CATSPERB: variants seen among roughly 807,000 people sequenced by gnomAD.
CATSPERB encodes cation channel sperm-associated auxiliary subunit beta.
In CATSPERB, 93 loss-of-function variants were observed where a neutral mutation model predicts 128.3. The observed-to-expected ratio is 0.72, with a 90% CI of 0.61 to 0.86. The LOEUF is 0.86. CATSPERB is among the 40% of genes least tolerant of loss of function. The probability of loss-of-function intolerance (pLI) is 0.00; values close to 1 mark genes in which losing one functional copy is unlikely to be tolerated. For synonymous variants in CATSPERB, 381 were observed against 448.8 expected (o/e 0.85, Z 1.91); for missense variants, 1,153 against 1,329.5 (o/e 0.87, Z 2.06).
intron 18 of CATSPERB, among the ~76,000 whole-genome samples, chr14:91,622,242 C>T (rs1595150953): frequency 6.6e-6 from 1 of 151,592 alleles, no homozygotes; most frequent in Admixed American, 6.6e-5. Context: ...TACTAAAAGC[C>T]TTAAAAACCT....
At chr14:91,626,656 C>T (rs1477998371) in intron 17 of CATSPERB, among the ~76,000 whole-genome samples, 1 of 152,114 alleles carries the variant, frequency 6.6e-6, no homozygotes, top group Non-Finnish European at 1.5e-5. Context: ...CACCCTTCTG[C>T]CTTCCACCAT....
chr14:91,594,316 AG>A (rs1893462910), intron 22 of CATSPERB, among the ~76,000 whole-genome samples: 1 of 148,726 alleles, frequency 6.7e-6, no homozygotes. Flanking sequence ...ATCACACACC[AG>A]GGACTGTTGT....
intron 10 of CATSPERB, among the ~76,000 whole-genome samples, 191 bp from the exon 11 acceptor site, chr14:91,684,134 A>C (rs960413306): frequency 6.6e-6 from 1 of 152,258 alleles, no homozygotes; most frequent in African/African-American, 2.4e-5. Context: ...TGAACAATGC[A>C]CAAAAAAGGC....
At chr14:91,712,627 T>G (rs914477819) in intron 5 of CATSPERB, among the ~76,000 whole-genome samples, 1 of 152,256 alleles carries the variant, frequency 6.6e-6, no homozygotes, top group African/African-American at 2.4e-5. Context: ...GATTATCGTA[T>G]ACTTAATAAA....
chr14:91,598,587 G>A lies in CATSPERB; in HGVS notation c.2710-6585C>T, dbSNP rs150714685. Among the ~76,000 whole-genome samples, 1,513 of 152,178 alleles carry A rather than the reference G, an allele frequency of 9.9e-3. 26 individuals carry two copies. The highest frequency in any genetic ancestry group is 0.034 in the African/African-American group (1,411 of 41,532). On this transcript the variant is annotated intron_variant, in intron 22 of 26. Transcript: ENST00000256343. ...AGAAAAGATTTGACTGGCCGGGCGT[G>A]GTGGCTCACACCTGTAATCCCGGCA...
At chr14:91,689,233 C>T (rs67484173) in intron 10 of CATSPERB, among the ~76,000 whole-genome samples, 76,301 of 151,908 alleles carry the variant, frequency 0.5, 19,975 homozygotes, top group East Asian at 0.7. Flanking sequence ...TAGGATTTCG[C>T]GGAGCTCTGC....
rs985499986 is a variant in CATSPERB at position 91,605,074 on chromosome 14, C to G, written c.2709+3220G>C. 20 of 1,229,366 alleles carry G rather than the reference C, an allele frequency of 1.6e-5. No homozygotes were observed. The African/African-American group carries it at 2.2e-4, about 14-fold the overall frequency. 76.2% of individuals were successfully genotyped at this position (1,229,366 alleles called of 1,614,324 possible). On this transcript the variant is annotated intron_variant, in intron 22 of 26. Coordinates refer to ENST00000256343, the MANE Select transcript of CATSPERB (RefSeq NM_024764.4). ...CCTTGTCTTCCTTTTTTCTGGCACT[C>G]TTCTCTGCAGAAGTGGGTTGTTTGC...
chr14:91,725,501 A>G (rs1172768585), intron 2 of CATSPERB, among the ~76,000 whole-genome samples: 1 of 152,208 alleles, frequency 6.6e-6, no homozygotes, highest in Non-Finnish European at 1.5e-5. Flanking sequence ...CAGCAACTGC[A>G]GAGAAAATTT....
intron 7 of CATSPERB, among the ~76,000 whole-genome samples, chr14:91,701,288 A>C (rs1332940680): frequency 6.6e-6 from 1 of 152,204 alleles, no homozygotes; most frequent in East Asian, 1.9e-4. Context: ...GTAGTGATTA[A>C]GCAGTAATCC....
chr14:91,588,656 T>C (rs1431029522), intron 24 of CATSPERB, among the ~76,000 whole-genome samples: 3 of 152,190 alleles, frequency 2.0e-5, no homozygotes, highest in East Asian at 3.8e-4. Flanking sequence ...ACAGCTGTGA[T>C]TGTAATTTCC....
Position 91,721,922 on chromosome 14 carries a change from G to T in CATSPERB, c.309+1127C>A, listed in dbSNP as rs548805233. Among the ~76,000 whole-genome samples, 13 of 152,080 alleles carry T rather than the reference G, an allele frequency of 8.5e-5. No individual in the cohort carries two copies. The South Asian group carries it at 2.3e-3, about 27-fold the overall frequency. ...TGGAGAGACGGGAACCCTAACCCAGGTGTGCTGGTGTGCACTTGTAGTCCT... is the reference window on the plus strand; with the variant it reads ...TGGAGAGACGGGAACCCTAACCCAGTTGTGCTGGTGTGCACTTGTAGTCCT... On this transcript the variant is annotated intron_variant, in intron 4 of 26. Transcript: ENST00000256343.
intron 7 of CATSPERB, among the ~76,000 whole-genome samples, chr14:91,700,255 A>G (rs969440972): frequency 6.6e-6 from 1 of 152,208 alleles, no homozygotes; most frequent in Non-Finnish European, 1.5e-5. Flanking sequence ...TGCAAAAGAC[A>G]TGAACTCATT....
At chr14:91,707,999 C>T (rs4605095) in intron 6 of CATSPERB, 142 bp downstream of exon 6, 412,376 of 646,222 alleles carry the variant, frequency 0.64, 132,741 homozygotes, top group Admixed American at 0.66. Flanking sequence ...ATTGTGAGTG[C>T]CTCAAGGGTC....
intron 2 of CATSPERB, among the ~76,000 whole-genome samples, chr14:91,727,500 A>G (rs1296242667): frequency 6.6e-6 from 1 of 152,202 alleles, no homozygotes; most frequent in Non-Finnish European, 1.5e-5. Context: ...AAGTAAACAT[A>G]TCTTTACAAA....
At chr14:91,680,277 CA>C in intron 11 of CATSPERB, among the ~76,000 whole-genome samples, 1 of 152,220 alleles carries the variant, frequency 6.6e-6, no homozygotes, top group Admixed American at 6.5e-5. Flanking sequence ...TGAAACTATC[CA>C]ATCCTTCTAG....
chr14:91,668,805 C>T (rs558871654), intron 14 of CATSPERB, among the ~76,000 whole-genome samples: 4 of 152,178 alleles, frequency 2.6e-5, no homozygotes, highest in Non-Finnish European at 1.5e-5. Flanking sequence ...GTCAGCGAGA[C>T]CACGCACCCA....
At chr14:91,696,381 C>T (rs984111264) in intron 7 of CATSPERB, among the ~76,000 whole-genome samples, 5 of 152,146 alleles carry the variant, frequency 3.3e-5, no homozygotes, top group African/African-American at 1.2e-4. Context: ...AGAGACTGGT[C>T]GACCCTGTTA....
intron 10 of CATSPERB, among the ~76,000 whole-genome samples, chr14:91,687,064 A>G (rs1895389093): frequency 6.6e-6 from 1 of 152,182 alleles, no homozygotes; most frequent in Non-Finnish European, 1.5e-5. Context: ...AAAAGTATAT[A>G]TATTCATTAT....
At chr14:91,648,804 G>A (rs1367280978) in intron 15 of CATSPERB, among the ~76,000 whole-genome samples, 1 of 151,770 alleles carries the variant, frequency 6.6e-6, no homozygotes, top group Non-Finnish European at 1.5e-5. Context: ...TTTCACTCCT[G>A]GCAATATATT....
Sources: gnomAD v4.1 joint callset for allele counts (sites outside exome capture counted in the v4.1 genomes callset) on GRCh38, gnomAD v4.1.1 for gene constraint, MANE v1.5 for transcripts, NCBI Gene and HGNC (gene_info 2026-07-23, HGNC 2026-07-21) for gene names.